Variants in CNOT1 observed in about 807,000 individuals in gnomAD.
The protein encoded by CNOT1 is CCR4-associated factor 1.
A neutral mutation model predicts 273.8 loss-of-function variants in CNOT1; 15 were observed. The ratio of observed to expected loss-of-function variants is 0.05; its 90% CI spans 0.04 to 0.08. The LOEUF is 0.08. Ranked by LOEUF, CNOT1 falls within the 10% of genes least tolerant of loss-of-function variation. The pLI, the probability that CNOT1 is intolerant of heterozygous loss-of-function variation, is 1.00. For missense variants in CNOT1, 1,644 were observed against 2,912.2 expected (o/e 0.56, Z 10.02); for synonymous variants, 1,022 against 1,005.5 (o/e 1.02, Z -0.31).
chr16:58,548,308 A>G (rs889126777), intron 25 of CNOT1, among the ~76,000 whole-genome samples: 1 of 152,202 alleles, frequency 6.6e-6, no homozygotes, highest in African/African-American at 2.4e-5. Flanking sequence ...GGCAGAACTA[A>G]CATAGGAGAG....
intron 2 of CNOT1, among the ~76,000 whole-genome samples, chr16:58,589,651 A>T (rs1432303237): frequency 6.6e-6 from 1 of 152,218 alleles, no homozygotes; most frequent in East Asian, 1.9e-4. Flanking sequence ...TCAAATGTGT[A>T]ACAAAAGGTT....
At chr16:58,526,511 TAA>T (rs57367601) in intron 44 of CNOT1, among the ~76,000 whole-genome samples, 4 of 80,812 alleles carry the variant, frequency 4.9e-5, no homozygotes, top group Non-Finnish European at 6.9e-5. Context: ...ACTTACTCCT[TAA>T]AAAAAAAAAA....
intron 1 of CNOT1, among the ~76,000 whole-genome samples, chr16:58,611,087 A>C (rs944643765): frequency 3.3e-5 from 5 of 152,076 alleles, no homozygotes; most frequent in African/African-American, 1.2e-4. Context: ...CCCAAGACCA[A>C]GAGAGTCAAC....
Position 58,551,739 on chromosome 16 carries a change from C to A in CNOT1, c.3051G>T (p.Leu1017=). 6.2e-7 allele frequency: 1 copy of A among 1,614,152 alleles called. No homozygotes were observed. The highest frequency in any genetic ancestry group is 1.1e-5 in the South Asian group (1 of 91,074). Reference sequence around the variant, plus strand: ...CCTGGGCCTGAGCCTGGGCCTGAGCCAGTGCAATACTTCCAGGGGTTGTGA... The same window carrying A: ...CCTGGGCCTGAGCCTGGGCCTGAGCAAGTGCAATACTTCCAGGGGTTGTGA... The part of the protein sequence containing the change: ...GSITTPGSIA[L]AQAQAQAQVP... Residue 1017 remains leucine (L), a synonymous_variant, in exon 23 of 49, where the codon CTG becomes CTT. Coordinates refer to ENST00000317147, the MANE Select transcript of CNOT1 (RefSeq NM_016284.5).
intron 43 of CNOT1, 84 bp from the exon 44 acceptor site, chr16:58,528,732 C>T (rs937771554): frequency 1.1e-6 from 1 of 879,334 alleles, no homozygotes; most frequent in African/African-American, 1.7e-5. Context: ...CCCCCCACCC[C>T]CCTCAAAAGA....
In CNOT1 at chr16:58,558,510, T is replaced by G; in HGVS notation, c.2295A>C (p.Ala765=). ...ATGAAAGTCCTCCAATACCACTGAA[T>G]GCAGTGGTCTGATTGGGGGTTGAAA... The part of the protein sequence containing the change: ...PPLSTPNQTT[A]FSGIGGLSSQ... Residue 765 remains alanine (A), a synonymous_variant, in exon 18 of 49, where the codon GCA becomes GCC. Coordinates refer to ENST00000317147, the MANE Select transcript of CNOT1 (RefSeq NM_016284.5). 3 of 1,613,936 alleles carry G rather than the reference T, an allele frequency of 1.9e-6. No individual in the cohort carries two copies. The highest frequency in any genetic ancestry group is 2.5e-6 in the Non-Finnish European group (3 of 1,179,958).
chr16:58,527,689 T>C (rs1446079687), intron 44 of CNOT1, among the ~76,000 whole-genome samples: 1 of 152,172 alleles, frequency 6.6e-6, no homozygotes, highest in Admixed American at 6.5e-5. Context: ...ATGCAAAGGT[T>C]ATATGCCACT....
At chr16:58,562,508 A>G (rs1231474066) in intron 16 of CNOT1, among the ~76,000 whole-genome samples, 1 of 151,034 alleles carries the variant, frequency 6.6e-6, no homozygotes, top group East Asian at 2.0e-4. Flanking sequence ...TGTCTCTAAA[A>G]AAAATAAATT....
At position 58,587,183 on chromosome 16, in the gene CNOT1, T is replaced by C. The variant is rs1212062969; in HGVS notation, c.433+18A>G. ...TTTAAAGTCTCACTTCGTGATATTT[T>C]TGGAAAAAGTAACTCACCGAAACCT... is the stretch of plus-strand genomic sequence containing the variant. On this transcript the variant is annotated intron_variant, in intron 6 of 48. Coordinates refer to ENST00000317147, the MANE Select transcript of CNOT1 (RefSeq NM_016284.5). The C allele has an allele frequency of 1.2e-6, 2 of 1,609,176 alleles. No individual in the cohort carries two copies.
At chr16:58,621,357 T>C in intron 1 of CNOT1, among the ~76,000 whole-genome samples, 1 of 151,958 alleles carries the variant, frequency 6.6e-6, no homozygotes, top group Non-Finnish European at 1.5e-5. Context: ...CACCGCAACC[T>C]CCACCTCCCA....
chr16:58,542,207 G>A (rs772487479), intron 33 of CNOT1, 24 bp downstream of exon 33: 11 of 1,611,306 alleles, frequency 6.8e-6, no homozygotes, highest in Non-Finnish European at 9.3e-6. Flanking sequence ...ATGGGACGGG[G>A]AAAGACAGAG....
At chr16:58,590,344 A>G (rs1181199800) in intron 2 of CNOT1, among the ~76,000 whole-genome samples, 1 of 152,200 alleles carries the variant, frequency 6.6e-6, no homozygotes, top group Non-Finnish European at 1.5e-5. Context: ...CTATATCATG[A>G]TAATAACATG....
At chr16:58,525,922 A>T (rs2039567548) in intron 45 of CNOT1, 67 bp downstream of exon 45, 1 of 1,367,054 alleles carries the variant, frequency 7.3e-7, no homozygotes, top group African/African-American at 1.4e-5. Context: ...TGGACCACAC[A>T]CAGGACCATA....
chr16:58,615,898 A>G (rs2043057636), intron 1 of CNOT1, among the ~76,000 whole-genome samples: 1 of 120,316 alleles, frequency 8.3e-6, no homozygotes, highest in Non-Finnish European at 2.0e-5. Flanking sequence ...CCTAGGCAAC[A>G]TAGAATAACC....
chr16:58,599,174 G>A, intron 2 of CNOT1, 62 bp downstream of exon 2: 2 of 1,606,802 alleles, frequency 1.2e-6, no homozygotes, highest in Non-Finnish European at 1.7e-6. Flanking sequence ...TAAATGTGTG[G>A]TTTTCTTTCC....
At position 58,520,023 on chromosome 16, in the gene CNOT1, A is replaced by T. The variant is rs746525764; in HGVS notation, c.*935T>A. Reference sequence around the variant, plus strand: ...AGAAGTAGGGGAGCTGAAGCCCAGGAAAAGGCTACAAAATACAACACAGGG... The same window carrying T: ...AGAAGTAGGGGAGCTGAAGCCCAGGTAAAGGCTACAAAATACAACACAGGG... On this transcript the variant is annotated 3_prime_UTR_variant, in exon 49 of 49. Transcript: ENST00000317147. The T allele has an allele frequency of 6.6e-6, 1 of 152,268 alleles. No homozygotes were observed. Among genetic ancestry groups the T allele is most frequent in the Non-Finnish European group, 1.5e-5 (1 of 68,060 alleles). The allele number at this position is 152,268 out of a possible 1,614,324, so 9.4% of individuals were successfully genotyped here.
chr16:58,577,341 T>A (rs1275394908), intron 13 of CNOT1, among the ~76,000 whole-genome samples: 1 of 152,214 alleles, frequency 6.6e-6, no homozygotes. Context: ...GAGAAAGGAA[T>A]GAAGACCATC....
chr16:58,539,974 GA>G lies in CNOT1; in HGVS notation c.4801-16del. On this transcript the variant is annotated splice_polypyrimidine_tract_variant and intron_variant, in intron 34 of 48. Transcript: ENST00000317147. ...GCCCAAGCTTGCTGTTTTACAGAAGGAAACAACCAACAAGAGACAAAAGAAT... is the reference window on the plus strand; with the variant it reads ...GCCCAAGCTTGCTGTTTTACAGAAGGAACAACCAACAAGAGACAAAAGAAT... 1 of 1,593,436 alleles carries G rather than the reference GA, an allele frequency of 6.3e-7. No individual in the cohort carries two copies. Among genetic ancestry groups the G allele is most frequent in the Non-Finnish European group, 8.6e-7 (1 of 1,167,940 alleles).
chr16:58,531,220 TCCA>T (rs2039770697), intron 42 of CNOT1, among the ~76,000 whole-genome samples: 1 of 152,198 alleles, frequency 6.6e-6, no homozygotes, highest in South Asian at 2.1e-4. Context: ...AATGCCCTTC[TCCA>T]CCAAACAAAA....
Sources: gnomAD v4.1 joint callset for allele counts (sites outside exome capture counted in the v4.1 genomes callset) on GRCh38, gnomAD v4.1.1 for gene constraint, MANE v1.5 for transcripts, NCBI Gene and HGNC (gene_info 2026-07-23, HGNC 2026-07-21) for gene names.